CENPC: variants seen among roughly 807,000 people sequenced by gnomAD.
CENPC encodes CENP-C 1.
A neutral mutation model predicts 112.1 loss-of-function variants in CENPC; 63 were observed. That is an observed-to-expected ratio of 0.56 (90% CI 0.46 to 0.69). CENPC has a LOEUF of 0.69. Among genes scored for constraint, CENPC ranks in the 30% least tolerant of loss-of-function variants. CENPC has a pLI of 0.00. For missense variants in CENPC, 1,000 were observed against 1,103.8 expected (o/e 0.91, Z 1.33); for synonymous variants, 333 against 367.6 (o/e 0.91, Z 1.08).
chr4:67,514,025 T>G (rs776891152), intron 8 of CENPC, 49 bp downstream of exon 8: 1 of 1,470,564 alleles, frequency 6.8e-7, no homozygotes, highest in African/African-American at 1.4e-5. Context: ...TTAAAAAACA[T>G]AAAATGGGTA....
Position 67,514,519 on chromosome 4 carries a change from G to A in CENPC, c.999C>T (p.Ser333=). The A allele has an allele frequency of 6.2e-7, 1 of 1,612,984 alleles. No homozygotes were observed. Among genetic ancestry groups the A allele is most frequent in the Non-Finnish European group, 8.5e-7 (1 of 1,179,528 alleles). ...GAAGGAGTGCAGTGCTCTCAGCCGG[G>A]GATATTGTGCGTTGTTTCAGAGACC... is the stretch of plus-strand genomic sequence containing the variant. ...KAGSLKQRTI[S]PAESTALLQG... is the part of the protein sequence containing the mutation. Residue 333 remains serine, a synonymous_variant, in exon 8 of 19, where the codon TCC becomes TCT. Coordinates refer to ENST00000273853, the MANE Select transcript of CENPC (RefSeq NM_001812.4).
Position 67,472,560 on chromosome 4 carries a change from CACATAT to C in CENPC, c.*39_*44del. Reference sequence around the variant, plus strand: ...TATTCCAACTATACAAACTGTTTTTCACATATACATATATACATACATATATTTAAG... The same window carrying C: ...TATTCCAACTATACAAACTGTTTTTCACATATATACATACATATATTTAAG... On this transcript the variant is annotated 3_prime_UTR_variant, in exon 19 of 19. Coordinates refer to ENST00000273853, the MANE Select transcript of CENPC (RefSeq NM_001812.4). The C allele has an allele frequency of 7.4e-7, 1 of 1,347,112 alleles. No homozygotes were observed. The highest frequency in any genetic ancestry group is 2.9e-5 in the East Asian group (1 of 34,568). The allele number at this position is 1,347,112 out of a possible 1,614,324, so 83.4% of individuals were successfully genotyped here. A position where few individuals can be genotyped will look rare whatever the true frequency, so the allele number is the denominator to read the frequency against.
chr4:67,487,822 C>A (rs1195331976), intron 17 of CENPC, among the ~76,000 whole-genome samples: 1 of 151,484 alleles, frequency 6.6e-6, no homozygotes, highest in Non-Finnish European at 1.5e-5. Context: ...TTTTAATAAA[C>A]CTACTACTCT....
intron 8 of CENPC, among the ~76,000 whole-genome samples, chr4:67,513,438 C>T (rs1725953218): frequency 6.6e-6 from 1 of 152,140 alleles, no homozygotes; most frequent in Non-Finnish European, 1.5e-5. Flanking sequence ...ATAGCAGGTA[C>T]TCAGAAAATG....
chr4:67,536,185 G>A (rs956961081), intron 4 of CENPC, among the ~76,000 whole-genome samples: 1 of 152,172 alleles, frequency 6.6e-6, no homozygotes, highest in South Asian at 2.1e-4. Flanking sequence ...TAATAACTAT[G>A]AGGAAGATCA....
At chr4:67,483,428 A>C (rs1725005960) in intron 17 of CENPC, among the ~76,000 whole-genome samples, 1 of 152,332 alleles carries the variant, frequency 6.6e-6, no homozygotes, top group East Asian at 1.9e-4. Flanking sequence ...AAAAAATAAA[A>C]TATAACACAA....
chr4:67,513,808 A>G (rs1370571725), intron 8 of CENPC, among the ~76,000 whole-genome samples: 1 of 152,014 alleles, frequency 6.6e-6, no homozygotes, highest in Non-Finnish European at 1.5e-5. Flanking sequence ...TGTCTTATTC[A>G]TCTTCCGATA....
At position 67,512,930 on chromosome 4, in the gene CENPC, TAA is replaced by T. The variant is rs893394173; in HGVS notation, c.1445-363_1445-362del. Among the ~76,000 whole-genome samples the T allele has an allele frequency of 1.2e-4, 19 of 152,242 alleles. No individual in the cohort carries two copies. The East Asian group carries it at 3.7e-3, about 29-fold the overall frequency. The stretch of plus-strand genomic sequence containing the variant: ...TTTGAAATAATGATTTTTTTCAACT[TAA>T]GAAGAGGAGATTTAAAGTGTGATTA... On this transcript the variant is annotated intron_variant, in intron 8 of 18. Transcript: ENST00000273853.
chr4:67,482,838 C>G (rs547489312), intron 17 of CENPC, among the ~76,000 whole-genome samples: 41 of 152,242 alleles, frequency 2.7e-4, no homozygotes, highest in African/African-American at 9.9e-4. Flanking sequence ...TCAGAAATCA[C>G]CACTAAATAA....
intron 5 of CENPC, among the ~76,000 whole-genome samples, chr4:67,528,169 T>A (rs1020124758): frequency 1.6e-4 from 25 of 152,104 alleles, no homozygotes; most frequent in Non-Finnish European, 1.2e-4. Context: ...AATTTTGATA[T>A]AAAAATTAGC....
intron 12 of CENPC, among the ~76,000 whole-genome samples, chr4:67,495,455 T>C (rs540649821): frequency 1.3e-5 from 2 of 152,324 alleles, no homozygotes; most frequent in Middle Eastern, 6.8e-3. Context: ...TTGTGGTTGT[T>C]CTGTTTTGTT....
intron 10 of CENPC, among the ~76,000 whole-genome samples, chr4:67,507,261 T>C (rs1725761810): frequency 7.0e-6 from 1 of 142,284 alleles, no homozygotes; most frequent in East Asian, 2.1e-4. Context: ...GGAGAATCCA[T>C]AAACAACTAA....
At chr4:67,491,574 A>G (rs974419208) in intron 16 of CENPC, among the ~76,000 whole-genome samples, 3 of 144,528 alleles carry the variant, frequency 2.1e-5, no homozygotes, top group East Asian at 4.2e-4. Context: ...CTATCCCACT[A>G]TAGCCCATCC....
intron 2 of CENPC, among the ~76,000 whole-genome samples, chr4:67,543,267 A>G (rs1311856068): frequency 6.6e-6 from 1 of 152,212 alleles, no homozygotes; most frequent in Non-Finnish European, 1.5e-5. Context: ...TCTCTCTGCT[A>G]CTGACAAATA....
chr4:67,525,656 A>G (rs537559730), intron 5 of CENPC, among the ~76,000 whole-genome samples: 1 of 152,348 alleles, frequency 6.6e-6, no homozygotes, highest in African/African-American at 2.4e-5. Flanking sequence ...GTGATCATTA[A>G]AAAGACAAGA....
Position 67,495,190 on chromosome 4 carries a change from C to A in CENPC, c.2154G>T (p.Val718=). Residue 718 remains valine, a synonymous_variant, in exon 13 of 19, where the codon GTG becomes GTT. Transcript: ENST00000273853. ...TGTGATGGATTCTGTTCTTTGGTAT[C>A]ACTTTAGATTGTTTTGAGTCATCTA... ...GSSDDSKQSK[V]IPKNRIHHKL... The A allele has an allele frequency of 6.5e-7, 1 of 1,531,866 alleles. No homozygotes were observed. Among genetic ancestry groups the A allele is most frequent in the Admixed American group, 2.1e-5 (1 of 46,582 alleles). The allele number at this position is 1,531,866 out of a possible 1,614,324, so 94.9% of individuals were successfully genotyped here.
intron 17 of CENPC, among the ~76,000 whole-genome samples, chr4:67,482,539 T>C (rs770643742): frequency 5.3e-5 from 8 of 152,220 alleles, no homozygotes; most frequent in Non-Finnish European, 1.2e-4. Context: ...GTGGTATACA[T>C]GTACCATAGA....
chr4:67,493,961 C>A lies in CENPC; in HGVS notation c.2213G>T (p.Arg738Leu), dbSNP rs750931543. 3 of 1,611,654 alleles carry A rather than the reference C, an allele frequency of 1.9e-6. No individual in the cohort carries two copies. Among genetic ancestry groups the A allele is most frequent in the Non-Finnish European group, 2.5e-6 (3 of 1,178,882 alleles). ...LVLPSNTPNV[R>L]RTKRTRLKPL... ...TTTCAAACGTGTTCTCTTGGTCCTG[C>A]GAACATTTGGTGTGTTGGAGGGCAA... is the stretch of plus-strand genomic sequence containing the variant. Residue 738 changes from arginine (R) to leucine (L), a missense_variant, in exon 14 of 19, where the codon CGC becomes CTC. Transcript: ENST00000273853.
At chr4:67,535,247 A>G (rs1726682690) in intron 4 of CENPC, among the ~76,000 whole-genome samples, 1 of 152,088 alleles carries the variant, frequency 6.6e-6, no homozygotes, top group African/African-American at 2.4e-5. Context: ...GGTATTTTTA[A>G]ACAATTAAGG....
Sources: allele counts gnomAD v4.1 joint callset (sites outside exome capture counted in the v4.1 genomes callset), GRCh38; gene constraint gnomAD v4.1.1; transcripts MANE v1.5; gene names NCBI Gene and HGNC (gene_info 2026-07-23, HGNC 2026-07-21).